The following TMEM181 variants were observed in gnomAD, a reference collection of about 807,000 sequenced individuals.
The protein encoded by TMEM181 is transmembrane protein 181, also known as G protein-coupled receptor 178.
Under a neutral mutation model 71.9 loss-of-function variants are expected in TMEM181, and 39 were observed. The observed-to-expected ratio is 0.54, with a 90% confidence interval of 0.42 to 0.71. The LOEUF is 0.71. Among genes scored for constraint, TMEM181 ranks in the 30% least tolerant of loss-of-function variants. The pLI is 0.00. For missense variants in TMEM181, 595 were observed against 583.0 expected, an observed-to-expected ratio of 1.02 and a Z score of -0.21; for synonymous variants, 245 against 228.8, an observed-to-expected ratio of 1.07 and a Z score of -0.64.
intron 1 of TMEM181, among the ~76,000 whole-genome samples, chr6:158,561,417 T>A (rs1782164178): frequency 6.6e-6 from 1 of 152,180 alleles, no homozygotes; most frequent in South Asian, 2.1e-4. Flanking sequence ...GAGGGCAAGA[T>A]TCTTGTGCGG....
At chr6:158,602,983 T>TCC (rs1784750712) in intron 6 of TMEM181, among the ~76,000 whole-genome samples, 2 of 152,204 alleles carry the variant, frequency 1.3e-5, no homozygotes, top group Admixed American at 6.5e-5. Flanking sequence ...CTTCGTCTAA[T>TCC]GTAATAATGT....
At chr6:158,579,448 G>T (rs1225024456) in intron 2 of TMEM181, among the ~76,000 whole-genome samples, 1 of 150,842 alleles carries the variant, frequency 6.6e-6, no homozygotes, top group South Asian at 2.1e-4. Flanking sequence ...TCGGCCGGGC[G>T]CAGTGGCTCA....
At chr6:158,626,780 A>C in intron 13 of TMEM181, 3 of 456,564 alleles carry the variant, frequency 6.6e-6, no homozygotes, top group Non-Finnish European at 1.3e-5. Flanking sequence ...AGGCTCACTC[A>C]CACCTCACTC....
chr6:158,598,531 G>C (rs1189554369), intron 6 of TMEM181, among the ~76,000 whole-genome samples: 5 of 151,886 alleles, frequency 3.3e-5, no homozygotes, highest in Non-Finnish European at 7.4e-5. Context: ...TGTGCTTACT[G>C]TACTTTCCTG....
chr6:158,581,591 A>G (rs1783479105), intron 3 of TMEM181, among the ~76,000 whole-genome samples: 2 of 151,866 alleles, frequency 1.3e-5, no homozygotes. Context: ...ATCTCTACTG[A>G]AAATACAAAA....
intron 10 of TMEM181, among the ~76,000 whole-genome samples, chr6:158,622,247 A>G (rs994237603): frequency 6.6e-6 from 1 of 152,254 alleles, no homozygotes; most frequent in African/African-American, 2.4e-5. Flanking sequence ...ACAATATATT[A>G]TAATAAAAGT....
chr6:158,572,747 G>A (rs1057369671), intron 1 of TMEM181, among the ~76,000 whole-genome samples: 1 of 152,194 alleles, frequency 6.6e-6, no homozygotes, highest in Non-Finnish European at 1.5e-5. Context: ...CTGGGAGGGC[G>A]AGTGAGTTTC....
intron 1 of TMEM181, among the ~76,000 whole-genome samples, chr6:158,569,079 G>A (rs1214719045): frequency 6.6e-6 from 1 of 152,144 alleles, no homozygotes; most frequent in Non-Finnish European, 1.5e-5. Flanking sequence ...GAGCTCAAAC[G>A]ATCCTCCCCC....
At chr6:158,568,601 T>G (rs112237011) in intron 1 of TMEM181, among the ~76,000 whole-genome samples, 2,994 of 152,246 alleles carry the variant, frequency 0.02, 109 homozygotes, top group African/African-American at 0.067. Context: ...ATATCCTCCC[T>G]TGGGGGACTG....
chr6:158,626,919 C>T (rs1233622116), intron 13 of TMEM181, among the ~76,000 whole-genome samples: 3 of 120,202 alleles, frequency 2.5e-5, no homozygotes, highest in Non-Finnish European at 5.1e-5. Context: ...CCCTCACCCT[C>T]ATTCTCACCC....
At chr6:158,574,999 A>G (rs1054684563) in intron 2 of TMEM181, among the ~76,000 whole-genome samples, 3 of 152,170 alleles carry the variant, frequency 2.0e-5, no homozygotes, top group African/African-American at 7.2e-5. Flanking sequence ...ACACAGAGCA[A>G]ATTCCCCCTT....
At position 158,589,731 on chromosome 6, in the gene TMEM181, G is replaced by C. The variant is rs1233862072; in HGVS notation, c.441G>C (p.Val147=). ...LGYLNYTQYT[V]IVGFEHLKLP... The stretch of plus-strand genomic sequence containing the variant: ...ACCTGAACTACACTCAGTATACAGT[G>C]ATAGTGGGATTTGAACACCTGAAGC... Residue 147 remains valine, a synonymous_variant, in exon 6 of 17, where the codon GTG becomes GTC. Coordinates refer to ENST00000684151, the MANE Select transcript of TMEM181 (RefSeq NM_001376852.1). 6.2e-7 allele frequency: 1 copy of C among 1,614,166 alleles called. No homozygotes were observed. Among genetic ancestry groups the C allele is most frequent in the Admixed American group, 1.7e-5 (1 of 60,028 alleles).
Position 158,624,713 on chromosome 6 carries a change from C to T in TMEM181, c.955-391C>T, listed in dbSNP as rs183563090. ...GGCGCGTGGATTCCCAGGGCCTAGC[C>T]TGGGTCCTTTCTTGGACACCTGCCA... On this transcript the variant is annotated intron_variant, in intron 11 of 16. Coordinates refer to ENST00000684151, the MANE Select transcript of TMEM181 (RefSeq NM_001376852.1). 6.4e-3 allele frequency among the ~76,000 whole-genome samples: 975 copies of T among 152,352 alleles called. 9 individuals carry two copies. The highest frequency in any genetic ancestry group is 0.011 in the Non-Finnish European group (743 of 68,022).
At chr6:158,584,474 C>T (rs1783656280) in intron 4 of TMEM181, among the ~76,000 whole-genome samples, 1 of 152,180 alleles carries the variant, frequency 6.6e-6, no homozygotes, top group Non-Finnish European at 1.5e-5. Context: ...CCGACACCTC[C>T]CCCACTTTCA....
At chr6:158,542,746 A>G (rs1175794401) in intron 1 of TMEM181, among the ~76,000 whole-genome samples, 1 of 151,692 alleles carries the variant, frequency 6.6e-6, no homozygotes, top group East Asian at 1.9e-4. Context: ...CTGGGACTAC[A>G]TGCGTGGACC....
upstream of TMEM181, among the ~76,000 whole-genome samples, chr6:158,559,130 T>C (rs1363582568): frequency 1.3e-5 from 2 of 151,996 alleles, no homozygotes; most frequent in Non-Finnish European, 1.5e-5. Context: ...CTCTTCCTAA[T>C]ATCCACCTCA....
At chr6:158,607,432 C>G (rs150268011) in intron 8 of TMEM181, 89 bp downstream of exon 8, 66 of 1,211,306 alleles carry the variant, frequency 5.4e-5, no homozygotes, top group Admixed American at 2.2e-4. Context: ...CATCCCAGCA[C>G]TTTGAGAGGC....
chr6:158,605,188 A>C, intron 6 of TMEM181, 79 bp from the exon 7 acceptor site: 1 of 1,040,942 alleles, frequency 9.6e-7, no homozygotes, highest in Non-Finnish European at 1.5e-6. Context: ...ATCTAGAGAT[A>C]ACTATTAGTA....
chr6:158,589,730 TGATAGTGG>T lies in TMEM181; in HGVS notation c.444_451del (p.Val149Ter), dbSNP rs775135665. The T allele has an allele frequency of 6.2e-7, 1 of 1,614,110 alleles. No homozygotes were observed. The highest frequency in any genetic ancestry group is 8.5e-7 in the Non-Finnish European group (1 of 1,180,020). On this transcript the variant is annotated frameshift_variant, in exon 6 of 17. Coordinates refer to ENST00000684151, the MANE Select transcript of TMEM181 (RefSeq NM_001376852.1). LOFTEE classifies it high-confidence loss of function. ...TACCTGAACTACACTCAGTATACAGTGATAGTGGGATTTGAACACCTGAAGCTCCCCAT... is the reference window on the plus strand; with the variant it reads ...TACCTGAACTACACTCAGTATACAGTGATTTGAACACCTGAAGCTCCCCAT...
Sources: gnomAD v4.1 joint callset for allele counts (sites outside exome capture counted in the v4.1 genomes callset) on GRCh38, gnomAD v4.1.1 for gene constraint, MANE v1.5 for transcripts, NCBI Gene and HGNC (gene_info 2026-07-23, HGNC 2026-07-21) for gene names.